The following LRRC49 variants were observed in gnomAD, a reference collection of about 807,000 sequenced individuals.
LRRC49 encodes the protein leucine-rich repeat-containing protein 49.
Under a neutral mutation model 83.3 loss-of-function variants are expected in LRRC49, and 50 were observed. That is an observed-to-expected ratio of 0.60 (90% CI 0.48 to 0.76). LRRC49 has a LOEUF of 0.76. LRRC49 is among the 30% of genes least tolerant of loss of function. The probability of loss-of-function intolerance (pLI) is 0.00; values close to 1 mark genes in which losing one functional copy is unlikely to be tolerated. For synonymous variants in LRRC49, 286 were observed against 283.3 expected (o/e 1.01, Z -0.10); for missense variants, 704 against 809.1 (o/e 0.87, Z 1.58).
At chr15:70,886,603 C>T (rs1035900796) in intron 2 of LRRC49, among the ~76,000 whole-genome samples, 32 of 152,046 alleles carry the variant, frequency 2.1e-4, no homozygotes, top group African/African-American at 7.7e-4. Context: ...TGCGGTGGCT[C>T]ACGCCTGTAA....
intron 8 of LRRC49, among the ~76,000 whole-genome samples, chr15:70,948,773 G>C (rs976811898): frequency 1.3e-5 from 2 of 152,084 alleles, no homozygotes; most frequent in African/African-American, 4.8e-5. Context: ...AGATTTGAGT[G>C]CAAGGTGTGC....
intron 1 of LRRC49, among the ~76,000 whole-genome samples, chr15:70,857,301 C>T (rs1484013077): frequency 1.3e-5 from 2 of 152,020 alleles, no homozygotes; most frequent in Non-Finnish European, 2.9e-5. Flanking sequence ...AGCTGGAAAC[C>T]AAGGACTTGG....
At chr15:70,984,636 A>G (rs1213698893) in intron 11 of LRRC49, 3 of 154,548 alleles carry the variant, frequency 1.9e-5, no homozygotes, top group Non-Finnish European at 2.9e-5. Context: ...TATTATTACT[A>G]TTATTATTAT....
At chr15:71,006,507 CTGATTCTGCCCCT>C (rs2038463461) in intron 11 of LRRC49, among the ~76,000 whole-genome samples, 1 of 152,128 alleles carries the variant, frequency 6.6e-6, no homozygotes, top group South Asian at 2.1e-4. Context: ...GTCTATATCA[CTGATTCTGCCCCT>C]TTACTGAAAC....
At chr15:71,011,655 A>G (rs1268160020) in intron 13 of LRRC49, among the ~76,000 whole-genome samples, 1 of 152,178 alleles carries the variant, frequency 6.6e-6, no homozygotes, top group Non-Finnish European at 1.5e-5. Flanking sequence ...TTGAATTAAT[A>G]GCATCAAGAA....
At chr15:70,924,600 T>C (rs992312224) in intron 7 of LRRC49, among the ~76,000 whole-genome samples, 1 of 151,968 alleles carries the variant, frequency 6.6e-6, no homozygotes, top group African/African-American at 2.4e-5. Context: ...TTTCTTTTTA[T>C]TCTTTTACCC....
chr15:70,984,247 G>C lies in LRRC49; in HGVS notation c.1159G>C (p.Glu387Gln). ...TGGAAGCACCCTCTCTGCATTCCCA[G>C]AGGAAACAGGGTATGCAATGGTATT... ...IDGSTLSAFP[E>Q]ETGPLDSGLN... is the part of the protein sequence containing the mutation. Residue 387 changes from glutamate to glutamine, a missense_variant, in exon 11 of 16, where the codon GAG becomes CAG. Coordinates refer to ENST00000260382, the MANE Select transcript of LRRC49 (RefSeq NM_017691.5). 6.2e-7 allele frequency: 1 copy of C among 1,610,886 alleles called. No homozygotes were observed. Among genetic ancestry groups the C allele is most frequent in the South Asian group, 1.1e-5 (1 of 90,316 alleles).
chr15:70,943,588 G>A (rs780645494), intron 8 of LRRC49, among the ~76,000 whole-genome samples: 13 of 152,180 alleles, frequency 8.5e-5, no homozygotes, highest in Middle Eastern at 3.2e-3. Context: ...GGGAGAGGCC[G>A]CATGCACAGT....
chr15:70,932,902 G>C (rs1267001333), intron 7 of LRRC49, among the ~76,000 whole-genome samples: 1 of 151,790 alleles, frequency 6.6e-6, no homozygotes, highest in Non-Finnish European at 1.5e-5. Context: ...GCTAATTTTT[G>C]TATTTTTAGT....
At chr15:70,887,026 T>TA (rs1260318533) in intron 2 of LRRC49, among the ~76,000 whole-genome samples, 1 of 152,062 alleles carries the variant, frequency 6.6e-6, no homozygotes, top group Non-Finnish European at 1.5e-5. Flanking sequence ...ACAGACAAAT[T>TA]AAAAAATACT....
At chr15:70,949,037 A>AAT (rs964170493) in intron 8 of LRRC49, among the ~76,000 whole-genome samples, 2 of 152,118 alleles carry the variant, frequency 1.3e-5, no homozygotes, top group Admixed American at 6.6e-5. Flanking sequence ...TGGACCCTGA[A>AAT]ATTTGTATTT....
chr15:70,862,401 A>AC (rs746195877), intron 1 of LRRC49, among the ~76,000 whole-genome samples: 5 of 151,724 alleles, frequency 3.3e-5, no homozygotes, highest in East Asian at 1.9e-4. Flanking sequence ...ACAACGTGAA[A>AC]CCCCGTCTCT....
At chr15:70,882,790 GA>G in intron 2 of LRRC49, 1 of 1,614,130 alleles carries the variant, frequency 6.2e-7, no homozygotes, top group Non-Finnish European at 8.5e-7. Flanking sequence ...CCTTTTCAAA[GA>G]AATTTGTGTA....
chr15:70,908,111 T>A (rs936447770), intron 5 of LRRC49: 1 of 420,034 alleles, frequency 2.4e-6, no homozygotes, highest in African/African-American at 2.0e-5. Context: ...ATTGAACGAC[T>A]TGGCTGTTTT....
At chr15:71,009,663 GT>G in intron 12 of LRRC49, 143 bp from the exon 13 acceptor site, 1 of 547,502 alleles carries the variant, frequency 1.8e-6, no homozygotes, top group East Asian at 3.0e-5. Context: ...AGTACATTCA[GT>G]TGATTTAATG....
rs998320144 is a variant in LRRC49, at chr15:70,866,947, A to T, written c.-298-5961A>T. Among the ~76,000 whole-genome samples the T allele has an allele frequency of 2.0e-4, 31 of 152,054 alleles. 1 individual carries two copies. Among genetic ancestry groups the T allele is most frequent in the African/African-American group, 7.5e-4 (31 of 41,482 alleles). Reference sequence around the variant, plus strand: ...TGAACTCCAGATCGACTCAAGGCCAAGTCTGGCCTTTGGAAAGTCTTTGGG... The same window carrying T: ...TGAACTCCAGATCGACTCAAGGCCATGTCTGGCCTTTGGAAAGTCTTTGGG... On this transcript the variant is annotated intron_variant, in intron 1 of 16. Transcript: ENST00000544974.
intron 6 of LRRC49, chr15:70,918,846 A>G: frequency 4.3e-6 from 2 of 465,520 alleles, no homozygotes; most frequent in Non-Finnish European, 3.8e-6. Context: ...CAAATTGTAA[A>G]ATATGATCTT....
In LRRC49 at chr15:70,900,979, C is replaced by T. The variant is rs150271201; in HGVS notation, c.251C>T (p.Ser84Phe). ...SLSSFPILQR[S>F]SEEKILYSDR... Reference sequence around the variant, plus strand: ...TCATCATTTCCTATTCTTCAACGTTCTTCTGAAGAGAAAATTCTTTACTCA... The same window carrying T: ...TCATCATTTCCTATTCTTCAACGTTTTTCTGAAGAGAAAATTCTTTACTCA... Residue 84 changes from serine (S) to phenylalanine (F), a missense_variant, in exon 4 of 16, where the codon TCT becomes TTT. This residue lies in a region of LRRC49 where 261 missense variants were observed against 330.5 expected (regional missense o/e 0.79). Coordinates refer to ENST00000260382, the MANE Select transcript of LRRC49 (RefSeq NM_017691.5). 2 of 1,610,736 alleles carry T rather than the reference C, an allele frequency of 1.2e-6. No individual in the cohort carries two copies. The highest frequency in any genetic ancestry group is 1.7e-6 in the Non-Finnish European group (2 of 1,178,202).
At chr15:70,879,953 A>C (rs542548868) in intron 2 of LRRC49, among the ~76,000 whole-genome samples, 1 of 152,344 alleles carries the variant, frequency 6.6e-6, no homozygotes, top group East Asian at 1.9e-4. Context: ...GCCCAGAATA[A>C]AACAAAAATT....
Sources: allele counts gnomAD v4.1 joint callset (sites outside exome capture counted in the v4.1 genomes callset), GRCh38; gene constraint gnomAD v4.1.1; regional missense constraint gnomAD v4.1.1; transcripts MANE v1.5; gene names NCBI Gene and HGNC (gene_info 2026-07-23, HGNC 2026-07-21).